Variants in FAM83F observed in about 807,000 individuals in gnomAD.
The protein encoded by FAM83F is protein FAM83F.
In FAM83F, 45 loss-of-function variants were observed where a neutral mutation model predicts 42.9. The ratio of observed to expected loss-of-function variants is 1.05; its 90% confidence interval spans 0.83 to 1.35. The LOEUF (loss-of-function observed/expected upper bound fraction) is 1.35, where lower values mean the gene tolerates loss of function less well. FAM83F is among the 40% of genes most tolerant of loss of function. The pLI is 0.00. For missense variants in FAM83F, 617 were observed against 695.9 expected, an observed-to-expected ratio of 0.89 and a Z score of 1.28; for synonymous variants, 306 against 298.3, an observed-to-expected ratio of 1.03 and a Z score of -0.27.
chr22:40,010,538 TG>T (rs2067457324), intron 1 of FAM83F, among the ~76,000 whole-genome samples: 1 of 152,244 alleles, frequency 6.6e-6, no homozygotes, highest in South Asian at 2.1e-4. Flanking sequence ...AAAGCCAGGC[TG>T]TGGGGACTGC....
At chr22:40,018,634 C>T (rs1169798722) in intron 1 of FAM83F, among the ~76,000 whole-genome samples, 1 of 151,336 alleles carries the variant, frequency 6.6e-6, no homozygotes, top group Non-Finnish European at 1.5e-5. Flanking sequence ...CTCTTGTTGC[C>T]CTGGCTGGAG....
chr22:40,011,490 C>A (rs2067463686), intron 1 of FAM83F, among the ~76,000 whole-genome samples: 1 of 152,160 alleles, frequency 6.6e-6, no homozygotes, highest in African/African-American at 2.4e-5. Flanking sequence ...AGTTTATCTC[C>A]CACATGCTGT....
chr22:40,020,480 A>G (rs935783560), intron 3 of FAM83F, among the ~76,000 whole-genome samples: 1 of 149,002 alleles, frequency 6.7e-6, no homozygotes, highest in African/African-American at 2.5e-5. Context: ...CTCCTGCCTC[A>G]GCCTCCCTAG....
rs1424987750 is a variant in FAM83F at position 40,033,810 on chromosome 22, T to C, written c.*4245T>C. ...AGCACCCTGGCCCAGAGAGGTTGGC[T>C]GACTTGCCTGAGACGCTGCTTCCTG... On this transcript the variant is annotated 3_prime_UTR_variant, in exon 5 of 5. Coordinates refer to ENST00000333407, the MANE Select transcript of FAM83F (RefSeq NM_138435.4). 2.0e-5 allele frequency: 3 copies of C among 152,292 alleles called. No individual in the cohort carries two copies. The highest frequency in any genetic ancestry group is 6.5e-5 in the Admixed American group (1 of 15,286). 9.4% of individuals were successfully genotyped at this position (152,292 alleles called of 1,614,324 possible). A position where few individuals can be genotyped will look rare whatever the true frequency, so the allele number is the denominator to read the frequency against.
rs914425848 is a variant in FAM83F, at chr22:40,039,083, C to T, written c.*9518C>T. 2.6e-5 allele frequency: 4 copies of T among 152,134 alleles called. No individual in the cohort carries two copies. Among genetic ancestry groups the T allele is most frequent in the African/African-American group, 9.7e-5 (4 of 41,420 alleles). 9.4% of individuals were successfully genotyped at this position (152,134 alleles called of 1,614,324 possible). On this transcript the variant is annotated 3_prime_UTR_variant, in exon 5 of 5. Transcript: ENST00000333407. ...ACACAGAACCCCATGCTTTCATTTT[C>T]CACTTAGTCCTGCCTGGCATAGTAT...
At chr22:40,006,371 G>A (rs941329161) in intron 1 of FAM83F, among the ~76,000 whole-genome samples, 1 of 152,330 alleles carries the variant, frequency 6.6e-6, no homozygotes, top group East Asian at 1.9e-4. Context: ...TGTTTAGATC[G>A]ATGGCAGGGC....
At chr22:39,998,474 G>T (rs931920021) in intron 1 of FAM83F, among the ~76,000 whole-genome samples, 1 of 150,912 alleles carries the variant, frequency 6.6e-6, no homozygotes, top group African/African-American at 2.4e-5. Context: ...GGTACTCAGG[G>T]ATATGGAGAA....
At position 40,023,625 on chromosome 22, in the gene FAM83F, C is replaced by T. The variant is rs2067534408; in HGVS notation, c.1453+1662C>T. ...CCGCTGCCTTCTGCGTGTCCCTCCA[C>T]ATCCATGTCCCTGCTCCCACATCTC... On this transcript the variant is annotated intron_variant, in intron 4 of 4. Transcript: ENST00000333407. The surrounding 1 kb of genome is among the most constrained non-coding windows in gnomAD (Gnocchi z 4.1). 6.6e-6 allele frequency among the ~76,000 whole-genome samples: 1 copy of T among 152,184 alleles called. No individual in the cohort carries two copies. The highest frequency in any genetic ancestry group is 1.5e-5 in the Non-Finnish European group (1 of 68,024).
chr22:40,042,465 A>G lies in FAM83F; in HGVS notation c.*12900A>G, dbSNP rs1456252928. 1 of 152,220 alleles carries G rather than the reference A, an allele frequency of 6.6e-6. No individual in the cohort carries two copies. Among genetic ancestry groups the G allele is most frequent in the Non-Finnish European group, 1.5e-5 (1 of 68,062 alleles). The allele number at this position is 152,220 out of a possible 1,614,324, so 9.4% of individuals were successfully genotyped here. On this transcript the variant is annotated 3_prime_UTR_variant, in exon 5 of 5. Transcript: ENST00000333407. ...TAACTCATTCTTTAGTTCTCCTTGA[A>G]GGTGTCACTTCTTCCAGGAAGCCAT...
rs867166793 is a variant in FAM83F at position 40,037,829 on chromosome 22, C to A, written c.*8264C>A. The A allele has an allele frequency of 1.3e-5, 2 of 152,064 alleles. No homozygotes were observed. The highest frequency in any genetic ancestry group is 2.9e-5 in the Non-Finnish European group (2 of 68,042). The allele number at this position is 152,064 out of a possible 1,614,324, so 9.4% of individuals were successfully genotyped here. On this transcript the variant is annotated 3_prime_UTR_variant, in exon 5 of 5. Transcript: ENST00000333407. ...AACTCCTAGGTTCAGGTGATCCTCC[C>A]GCCTCAGCCTCCCAAGTAGCTGGGA...
At chr22:40,018,580 A>G (rs1030436630) in intron 1 of FAM83F, among the ~76,000 whole-genome samples, 1 of 150,438 alleles carries the variant, frequency 6.6e-6, no homozygotes, top group African/African-American at 2.4e-5. Flanking sequence ...CTGGCATTAC[A>G]GGTGCCTGCC....
At chr22:40,003,529 C>G (rs768098359) in intron 1 of FAM83F, among the ~76,000 whole-genome samples, 2 of 146,124 alleles carry the variant, frequency 1.4e-5, no homozygotes, top group African/African-American at 5.1e-5. Flanking sequence ...TCCTAGCTGA[C>G]CACCTGCCCC....
Position 39,995,667 on chromosome 22 carries a change from T to C in FAM83F, c.489+136T>C, listed in dbSNP as rs1288365259. 1.5e-6 allele frequency: 2 copies of C among 1,354,862 alleles called. No homozygotes were observed. The highest frequency in any genetic ancestry group is 5.8e-5 in the Admixed American group (2 of 34,754). 83.9% of individuals were successfully genotyped at this position (1,354,862 alleles called of 1,614,324 possible). ...AAAATGGGCCCCAACCCGCCCCTAC[T>C]TCCTGGGGCTGCAGTGAGGCCTGTA... is the stretch of plus-strand genomic sequence containing the variant. On this transcript the variant is annotated intron_variant, in intron 1 of 4. Coordinates refer to ENST00000333407, the MANE Select transcript of FAM83F (RefSeq NM_138435.4). This position sits in a 1 kb window ranked among gnomAD's most constrained non-coding sequence, Gnocchi z 4.6.
chr22:40,000,314 C>G (rs1485186618), intron 1 of FAM83F, among the ~76,000 whole-genome samples: 2 of 152,110 alleles, frequency 1.3e-5, no homozygotes, highest in Admixed American at 6.5e-5. Flanking sequence ...GCATGGCTGG[C>G]TGAGGTTAGC....
At chr22:40,016,200 T>TA (rs753115902) in intron 1 of FAM83F, among the ~76,000 whole-genome samples, 1 of 151,830 alleles carries the variant, frequency 6.6e-6, no homozygotes, top group African/African-American at 2.4e-5. Flanking sequence ...TTGTTGTTGT[T>TA]TTTTTATTTT....
Position 40,036,293 on chromosome 22 carries a change from G to C in FAM83F, c.*6728G>C, listed in dbSNP as rs2067623557. On this transcript the variant is annotated 3_prime_UTR_variant, in exon 5 of 5. Transcript: ENST00000333407. Reference sequence around the variant, plus strand: ...GATCCTTCCGCCTTGGCCTCCCAAAGTGTTGGGATTACAGGCATTAGCTAC... The same window carrying C: ...GATCCTTCCGCCTTGGCCTCCCAAACTGTTGGGATTACAGGCATTAGCTAC... 6.6e-6 allele frequency: 1 copy of C among 152,244 alleles called. No homozygotes were observed. The highest frequency in any genetic ancestry group is 1.5e-5 in the Non-Finnish European group (1 of 68,048). 9.4% of individuals were successfully genotyped at this position (152,244 alleles called of 1,614,324 possible). A position where few individuals can be genotyped will look rare whatever the true frequency, so the allele number is the denominator to read the frequency against.
At position 39,995,382 on chromosome 22, in the gene FAM83F, A is replaced by C. The variant is rs2067368976; in HGVS notation, c.340A>C (p.Thr114Pro). 5.2e-6 allele frequency: 8 copies of C among 1,546,832 alleles called. No individual in the cohort carries two copies. Among genetic ancestry groups the C allele is most frequent in the African/African-American group, 1.4e-5 (1 of 73,126 alleles). The change falls in exon 1 of 5, where the codon ACC becomes CCC. Residue 114 changes from threonine (T) to proline (P), a missense_variant. By Grantham distance (38) the Thr-to-Pro change is conservative. Transcript: ENST00000333407. This position sits in a 1 kb window ranked among gnomAD's most constrained non-coding sequence, Gnocchi z 4.6. ...GGCCTACTGGCCCGACCGTTCCGAC[A>C]CCGAGGTGCCTCCTCTGGACCTGGG... is the stretch of plus-strand genomic sequence containing the variant. ...SLAYWPDRSD[T>P]EVPPLDLGWT...
At chr22:40,029,420 C>A in intron 4 of FAM83F, 96 bp from the exon 5 acceptor site, 1 of 1,479,522 alleles carries the variant, frequency 6.8e-7, no homozygotes, top group Non-Finnish European at 9.1e-7. Flanking sequence ...AGCCCCTCAA[C>A]TGGAGATGTG....
intron 1 of FAM83F, among the ~76,000 whole-genome samples, chr22:40,006,060 C>T (rs897243351): frequency 5.9e-5 from 9 of 152,096 alleles, no homozygotes; most frequent in East Asian, 1.9e-4. Flanking sequence ...GCCAACATGG[C>T]GAAGCCCCGT....
Sources: gnomAD v4.1 joint callset for allele counts (sites outside exome capture counted in the v4.1 genomes callset) on GRCh38, gnomAD v4.1.1 for gene constraint, Gnocchi (gnomAD v3.1) non-coding constraint, MANE v1.5 for transcripts, NCBI Gene and HGNC (gene_info 2026-07-23, HGNC 2026-07-21) for gene names.